SPAG16: variants seen among roughly 807,000 people sequenced by gnomAD.
SPAG16 encodes sperm associated antigen 16.
SPAG16 carries 86 observed loss-of-function variants against 80.4 expected under a neutral mutation model. The ratio of observed to expected loss-of-function variants is 1.07; its 90% CI spans 0.90 to 1.28. SPAG16 has a LOEUF of 1.28. SPAG16 is among the 50% of genes most tolerant of loss of function. SPAG16 has a pLI of 0.00. For missense variants in SPAG16, 870 were observed against 765.3 expected (o/e 1.14, Z -1.61); for synonymous variants, 294 against 265.9 (o/e 1.11, Z -1.03).
intron 13 of SPAG16, among the ~76,000 whole-genome samples, chr2:214,018,746 C>G (rs1246783718): frequency 6.6e-6 from 1 of 152,138 alleles, no homozygotes; most frequent in Non-Finnish European, 1.5e-5. Context: ...TTGAGACACC[C>G]TCTGAAATAT....
At chr2:213,661,032 C>T (rs1483326006) in intron 10 of SPAG16, among the ~76,000 whole-genome samples, 4 of 152,152 alleles carry the variant, frequency 2.6e-5, no homozygotes, top group East Asian at 1.9e-4. Context: ...TGCCAGATTT[C>T]GTAGCCCCCA....
chr2:213,701,775 A>C (rs2065435018), intron 10 of SPAG16, among the ~76,000 whole-genome samples: 2 of 151,968 alleles, frequency 1.3e-5, no homozygotes, highest in Non-Finnish European at 2.9e-5. Context: ...TAGCTCAGGG[A>C]TTGTAAACGC....
Position 213,763,346 on chromosome 2 carries a change from A to G in SPAG16, c.1071-99139A>G, listed in dbSNP as rs994255493. 4.6e-5 allele frequency among the ~76,000 whole-genome samples: 7 copies of G among 152,334 alleles called. No homozygotes were observed. The East Asian group carries it at 1.4e-3, about 29-fold the overall frequency. On this transcript the variant is annotated intron_variant, in intron 10 of 15. Coordinates refer to ENST00000331683, the MANE Select transcript of SPAG16 (RefSeq NM_024532.5). ...TTTGTATTCCTATGTTCATTGCAGTATTATTTATAATAGCTAAAAATTACA... is the reference window on the plus strand; with the variant it reads ...TTTGTATTCCTATGTTCATTGCAGTGTTATTTATAATAGCTAAAAATTACA...
At chr2:213,802,793 GTCTC>G (rs1026697861) in intron 10 of SPAG16, among the ~76,000 whole-genome samples, 16 of 151,938 alleles carry the variant, frequency 1.1e-4, no homozygotes, top group East Asian at 5.8e-4. Context: ...TCTAACTTCT[GTCTC>G]TCTCTTTTTT....
chr2:213,858,876 A>G (rs1040647162), intron 10 of SPAG16, among the ~76,000 whole-genome samples: 1 of 152,076 alleles, frequency 6.6e-6, no homozygotes, highest in Non-Finnish European at 1.5e-5. Flanking sequence ...AGAGACCTCT[A>G]TGAAAATAAA....
At chr2:213,971,387 A>G (rs2045042851) in intron 12 of SPAG16, among the ~76,000 whole-genome samples, 1 of 152,120 alleles carries the variant, frequency 6.6e-6, no homozygotes, top group Non-Finnish European at 1.5e-5. Flanking sequence ...TGCAAAACTG[A>G]ACTATACAAG....
intron 15 of SPAG16, among the ~76,000 whole-genome samples, chr2:214,388,593 G>A (rs1171942979): frequency 1.3e-5 from 2 of 151,386 alleles, no homozygotes; most frequent in Non-Finnish European, 2.9e-5. Context: ...GATAAAGTAG[G>A]AGTGTGTGTG....
intron 10 of SPAG16, among the ~76,000 whole-genome samples, chr2:213,848,756 G>C (rs997941830): frequency 3.3e-5 from 5 of 152,060 alleles, no homozygotes; most frequent in Admixed American, 2.0e-4. Context: ...ATCGCCCCTT[G>C]CAGCTCTTCA....
chr2:214,087,008 C>T (rs573127552), intron 13 of SPAG16, among the ~76,000 whole-genome samples: 2 of 151,352 alleles, frequency 1.3e-5, no homozygotes, highest in Non-Finnish European at 3.0e-5. Context: ...TTACCTCAAA[C>T]TGCAGTGTTT....
chr2:214,105,614 GAGCAATGC>G (rs1159857056), intron 13 of SPAG16, among the ~76,000 whole-genome samples: 1 of 152,126 alleles, frequency 6.6e-6, no homozygotes, highest in East Asian at 1.9e-4. Context: ...TCAAATGCTG[GAGCAATGC>G]ATATTGGGTC....
intron 5 of SPAG16, among the ~76,000 whole-genome samples, chr2:213,333,809 A>G (rs2064216259): frequency 6.6e-6 from 1 of 152,154 alleles, no homozygotes; most frequent in Non-Finnish European, 1.5e-5. Flanking sequence ...ATGAAGAAGA[A>G]TCAAACTGGA....
chr2:214,150,360 C>T (rs1306789878), intron 15 of SPAG16, among the ~76,000 whole-genome samples: 1 of 151,964 alleles, frequency 6.6e-6, no homozygotes, highest in Non-Finnish European at 1.5e-5. Context: ...ACACTAGTAA[C>T]AATGGCTTCT....
intron 10 of SPAG16, among the ~76,000 whole-genome samples, chr2:213,728,953 T>C (rs2066909291): frequency 7.3e-6 from 1 of 136,628 alleles, no homozygotes; most frequent in Admixed American, 7.7e-5. Context: ...TTGACCACAG[T>C]GCTTGCATGG....
chr2:213,734,112 T>C (rs899620276), intron 10 of SPAG16, among the ~76,000 whole-genome samples: 14 of 152,204 alleles, frequency 9.2e-5, no homozygotes, highest in African/African-American at 2.7e-4. Context: ...AGGCCTACTC[T>C]TGTGGCGTGC....
intron 15 of SPAG16, among the ~76,000 whole-genome samples, chr2:214,202,917 T>C (rs1310806942): frequency 6.6e-6 from 1 of 152,212 alleles, no homozygotes; most frequent in African/African-American, 2.4e-5. Context: ...TGTTAAAGAA[T>C]ATGATTCTGT....
At chr2:213,788,455 G>A (rs2070479987) in intron 10 of SPAG16, among the ~76,000 whole-genome samples, 1 of 151,808 alleles carries the variant, frequency 6.6e-6, no homozygotes, top group East Asian at 1.9e-4. Flanking sequence ...GGTTGTTATT[G>A]TTTTTGTGGT....
intron 12 of SPAG16, among the ~76,000 whole-genome samples, chr2:213,988,283 A>G (rs1453538131): frequency 6.6e-6 from 1 of 152,108 alleles, no homozygotes; most frequent in Non-Finnish European, 1.5e-5. Flanking sequence ...ACTCCACCCA[A>G]CAACAGTAGA....
chr2:214,159,857 A>T (rs929027774), intron 15 of SPAG16, among the ~76,000 whole-genome samples: 4 of 152,020 alleles, frequency 2.6e-5, no homozygotes, highest in Admixed American at 1.3e-4. Flanking sequence ...AATAATAGAC[A>T]TACATTTCAG....
chr2:213,576,854 G>A (rs925858563), intron 10 of SPAG16, among the ~76,000 whole-genome samples: 26 of 152,126 alleles, frequency 1.7e-4, no homozygotes, highest in Non-Finnish European at 3.5e-4. Flanking sequence ...GTGGAGGGTG[G>A]GAGGAAGGAG....
Sources: gnomAD v4.1 joint callset for allele counts (sites outside exome capture counted in the v4.1 genomes callset) on GRCh38, gnomAD v4.1.1 for gene constraint, MANE v1.5 for transcripts, NCBI Gene and HGNC (gene_info 2026-07-23, HGNC 2026-07-21) for gene names.